ZNF462: variants seen among roughly 807,000 people sequenced by gnomAD.
ZNF462 encodes zinc finger PBX1-interacting protein.
Under a neutral mutation model 201.9 loss-of-function variants are expected in ZNF462, and 10 were observed. The ratio of observed to expected loss-of-function variants is 0.05; its 90% CI spans 0.03 to 0.08. ZNF462 has a LOEUF of 0.08. ZNF462 is among the 10% of genes least tolerant of loss of function. The pLI, the probability that ZNF462 is intolerant of heterozygous loss-of-function variation, is 1.00. For synonymous variants in ZNF462, 1,227 were observed against 1,193.3 expected (o/e 1.03, Z -0.58); for missense variants, 2,523 against 3,168.3 (o/e 0.80, Z 4.89).
At chr9:106,951,879 T>TG (rs1831367327) in intron 7 of ZNF462, among the ~76,000 whole-genome samples, 1 of 151,942 alleles carries the variant, frequency 6.6e-6, no homozygotes, top group Non-Finnish European at 1.5e-5. Flanking sequence ...AGTGGAATTT[T>TG]GGAGTCGCGG....
chr9:106,997,978 C>T (rs1014263090), intron 10 of ZNF462, among the ~76,000 whole-genome samples: 14 of 152,062 alleles, frequency 9.2e-5, no homozygotes, highest in African/African-American at 3.4e-4. Context: ...TTATGGGTTG[C>T]TTCTGAGCTA....
Position 106,938,335 on chromosome 9 carries a change from G to A in ZNF462, c.6236-581G>A, listed in dbSNP as rs2131610318. Among the ~76,000 whole-genome samples the A allele has an allele frequency of 6.6e-6, 1 of 152,230 alleles. No individual in the cohort carries two copies. Among genetic ancestry groups the A allele is most frequent in the East Asian group, 1.9e-4 (1 of 5,190 alleles). ...CATTTCTGTGCTATTGACTAGATAA[G>A]GAAATGGAGTTCTATGCTGAGGTTT... On this transcript the variant is annotated intron_variant, in intron 6 of 12. Transcript: ENST00000277225. The surrounding 1 kb of genome is among the most constrained non-coding windows in gnomAD (Gnocchi z 4.4).
Position 106,895,162 on chromosome 9 carries a change from C to G in ZNF462, c.-30-28192C>G, listed in dbSNP as rs1177270828. 6.6e-6 allele frequency among the ~76,000 whole-genome samples: 1 copy of G among 152,116 alleles called. No homozygotes were observed. Among genetic ancestry groups the G allele is most frequent in the African/African-American group, 2.4e-5 (1 of 41,432 alleles). On this transcript the variant is annotated intron_variant, in intron 1 of 12. Coordinates refer to ENST00000277225, the MANE Select transcript of ZNF462 (RefSeq NM_021224.6). The surrounding 1 kb of genome is among the most constrained non-coding windows in gnomAD (Gnocchi z 4.4). ...ATTCCATACCTTTATTGGCACTGTT[C>G]TTTTAAAATTCAGTTAAAAGTATCA...
intron 5 of ZNF462, among the ~76,000 whole-genome samples, chr9:106,934,365 T>C (rs1830545093): frequency 6.6e-6 from 1 of 151,550 alleles, no homozygotes; most frequent in African/African-American, 2.4e-5. Flanking sequence ...AGTAGCTAGT[T>C]CAAGAAGTTA....
chr9:106,965,731 C>G (rs1274858233), intron 7 of ZNF462, among the ~76,000 whole-genome samples: 1 of 152,074 alleles, frequency 6.6e-6, no homozygotes, highest in African/African-American at 2.4e-5. Context: ...CTTGAATAGT[C>G]TTTCAGCTTT....
At position 106,925,695 on chromosome 9, in the gene ZNF462, G is replaced by A. The variant is rs201536868; in HGVS notation, c.1783G>A (p.Ala595Thr). 239 of 1,613,884 alleles carry A rather than the reference G, an allele frequency of 1.5e-4. No homozygotes were observed. Among genetic ancestry groups the A allele is most frequent in the Non-Finnish European group, 1.5e-4 (172 of 1,180,016 alleles). The change falls in exon 3 of 13, where the codon GCA becomes ACA. Residue 595 changes from alanine (A) to threonine (T), a missense_variant. Physicochemically the swap from Ala to Thr is moderately conservative, Grantham distance 58. Transcript: ENST00000277225. This position sits in a 1 kb window ranked among gnomAD's most constrained non-coding sequence, Gnocchi z 7.9. ...GCAGCCACAGCCACCCACACAAGCC[G>A]CACCTCTGCACCCATACAAATGCAC... ...TQQPQPPTQA[A>T]PLHPYKCTMC...
At chr9:106,875,745 C>T (rs972249117) in intron 1 of ZNF462, among the ~76,000 whole-genome samples, 1 of 152,204 alleles carries the variant, frequency 6.6e-6, no homozygotes, top group Non-Finnish European at 1.5e-5. Flanking sequence ...CAGTGTGACA[C>T]TGTGAATCAC....
chr9:106,975,290 T>C (rs1412715465), intron 9 of ZNF462: 3 of 152,220 alleles, frequency 2.0e-5, no homozygotes, highest in Non-Finnish European at 4.4e-5. Flanking sequence ...ATTTGTCACA[T>C]ATGCCTCAAA....
At chr9:107,001,625 G>C (rs904619696) in intron 10 of ZNF462, among the ~76,000 whole-genome samples, 1 of 152,174 alleles carries the variant, frequency 6.6e-6, no homozygotes, top group Non-Finnish European at 1.5e-5. Context: ...GCCCTAGTTA[G>C]TAAGGTGCTA....
chr9:106,912,092 A>G lies in ZNF462; in HGVS notation c.-30-11262A>G, dbSNP rs368421873. Among the ~76,000 whole-genome samples the G allele has an allele frequency of 4.6e-5, 7 of 152,120 alleles. No individual in the cohort carries two copies. In the East Asian group the frequency reaches 5.8e-4, roughly 13 times the overall value. On this transcript the variant is annotated intron_variant, in intron 1 of 12. Coordinates refer to ENST00000277225, the MANE Select transcript of ZNF462 (RefSeq NM_021224.6). ...ACTACTCCTTTCCTTTCCATTTTACATGAACCGACCCTGCTATGTCCAGAT... is the reference window on the plus strand; with the variant it reads ...ACTACTCCTTTCCTTTCCATTTTACGTGAACCGACCCTGCTATGTCCAGAT...
rs1366237808 is a variant in ZNF462 at position 107,011,414 on chromosome 9, A to G, written c.*384A>G. On this transcript the variant is annotated 3_prime_UTR_variant, in exon 13 of 13. Transcript: ENST00000277225. The surrounding 1 kb of genome is among the most constrained non-coding windows in gnomAD (Gnocchi z 5.6). ...ATTGGGGAGCAACTTTTTGACGCAC[A>G]ACTTTTGGTGCGTTTTTCTAGTTTT... 1.9e-5 allele frequency: 3 copies of G among 159,360 alleles called. No homozygotes were observed. Among genetic ancestry groups the G allele is most frequent in the African/African-American group, 7.2e-5 (3 of 41,672 alleles). 9.9% of individuals were successfully genotyped at this position (159,360 alleles called of 1,614,324 possible).
intron 1 of ZNF462, among the ~76,000 whole-genome samples, chr9:106,915,362 T>G (rs1322598317): frequency 1.3e-5 from 2 of 152,216 alleles, no homozygotes; most frequent in African/African-American, 4.8e-5. Flanking sequence ...TAATAAAGTC[T>G]ACTGTTGTGT....
intron 1 of ZNF462, among the ~76,000 whole-genome samples, chr9:106,911,450 C>T (rs1380207444): frequency 6.6e-6 from 1 of 152,146 alleles, no homozygotes; most frequent in Non-Finnish European, 1.5e-5. Context: ...TTAAAACTTG[C>T]TTGGGCCTCA....
At chr9:106,918,885 C>G in intron 1 of ZNF462, among the ~76,000 whole-genome samples, 1 of 152,172 alleles carries the variant, frequency 6.6e-6, no homozygotes, top group East Asian at 1.9e-4. Flanking sequence ...ACAACAGGTG[C>G]TAATGAGAGC....
At chr9:106,864,580 T>C (rs970079551) in intron 1 of ZNF462, among the ~76,000 whole-genome samples, 2 of 152,190 alleles carry the variant, frequency 1.3e-5, no homozygotes, top group Non-Finnish European at 2.9e-5. Flanking sequence ...CTCCAGGCTG[T>C]TCACCATTCC....
intron 1 of ZNF462, among the ~76,000 whole-genome samples, chr9:106,914,159 G>A (rs936125252): frequency 2.0e-5 from 3 of 149,944 alleles, no homozygotes; most frequent in Non-Finnish European, 4.5e-5. Flanking sequence ...CTAAAATCTT[G>A]GACCTGGGCT....
In ZNF462 at chr9:106,962,839, TC is replaced by T. The variant is rs1831902750; in HGVS notation, c.6428-9161del. 6.6e-6 allele frequency among the ~76,000 whole-genome samples: 1 copy of T among 151,798 alleles called. No homozygotes were observed. The highest frequency in any genetic ancestry group is 1.5e-5 in the Non-Finnish European group (1 of 67,916). ...ATATATAGTCATCCAGCATCCATTG[TC>T]CCCCTGGCCATTGTATCATAATCTT... is the stretch of plus-strand genomic sequence containing the variant. On this transcript the variant is annotated intron_variant, in intron 7 of 12. Transcript: ENST00000277225. This position sits in a 1 kb window ranked among gnomAD's most constrained non-coding sequence, Gnocchi z 4.6.
chr9:106,981,952 A>G lies in ZNF462; in HGVS notation c.6833-2234A>G, dbSNP rs1662775061. Among the ~76,000 whole-genome samples, 1 of 152,236 alleles carries G rather than the reference A, an allele frequency of 6.6e-6. No individual in the cohort carries two copies. Among genetic ancestry groups the G allele is most frequent in the South Asian group, 2.1e-4 (1 of 4,834 alleles). On this transcript the variant is annotated intron_variant, in intron 9 of 12. Coordinates refer to ENST00000277225, the MANE Select transcript of ZNF462 (RefSeq NM_021224.6). This position sits in a 1 kb window ranked among gnomAD's most constrained non-coding sequence, Gnocchi z 4.0. ...AATGAAAGTAGAAACAGTAGAGATG[A>G]TAACATATAAATGAGGAACTAAAAT...
chr9:106,926,549 C>T lies in ZNF462; in HGVS notation c.2637C>T (p.Pro879=), dbSNP rs1381354001. ...IKFSFRYILD[P]NDHSAVYRCL... is the part of the protein sequence containing the mutation. ...TCAGCTTTAGGTACATCTTGGACCC[C>T]AATGATCACAGTGCAGTGTACAGGT... The change falls in exon 3 of 13, where the codon CCC becomes CCT. Residue 879 remains proline, a synonymous_variant. Coordinates refer to ENST00000277225, the MANE Select transcript of ZNF462 (RefSeq NM_021224.6). The surrounding 1 kb of genome is among the most constrained non-coding windows in gnomAD (Gnocchi z 7.9). 6.2e-7 allele frequency: 1 copy of T among 1,614,082 alleles called. No individual in the cohort carries two copies. Among genetic ancestry groups the T allele is most frequent in the Admixed American group, 1.7e-5 (1 of 60,016 alleles).
Sources: allele counts gnomAD v4.1 joint callset (sites outside exome capture counted in the v4.1 genomes callset), GRCh38; gene constraint gnomAD v4.1.1; non-coding constraint Gnocchi (gnomAD v3.1); transcripts MANE v1.5; gene names NCBI Gene and HGNC (gene_info 2026-07-23, HGNC 2026-07-21).